Variants in SOCS2 observed in about 807,000 individuals in gnomAD.
SOCS2 encodes CIS-2.
In SOCS2, 10 loss-of-function variants were observed where a neutral mutation model predicts 18.6. The observed-to-expected ratio is 0.54, with a 90% CI of 0.33 to 0.91. SOCS2 has a LOEUF of 0.91. Ranked by LOEUF, SOCS2 falls within the 40% of genes least tolerant of loss-of-function variation. SOCS2 has a pLI of 0.02. For synonymous variants in SOCS2, 104 were observed against 104.0 expected (o/e 1.00, Z 0.00); for missense variants, 231 against 247.2 (o/e 0.93, Z 0.44).
chr12:93,586,765 C>CATTT (rs35572626), downstream of SOCS2, among the ~76,000 whole-genome samples: 44,156 of 151,692 alleles, frequency 0.29, 7,122 homozygotes, highest in African/African-American at 0.45. Flanking sequence ...TTATTTCCTT[C>CATTT]ATTTAGTTAT....
At chr12:93,604,535 G>GA in the SOCS2 span, among the ~76,000 whole-genome samples, 6 of 151,880 alleles carry the variant, frequency 4.0e-5, no homozygotes, top group Admixed American at 2.0e-4. Context: ...AATGTTTTAA[G>GA]AAAAAAAACT....
Position 93,574,869 on chromosome 12 carries a change from G to T in SOCS2, c.287G>T (p.Arg96Leu). 1.2e-6 allele frequency: 2 copies of T among 1,614,098 alleles called. No homozygotes were observed. The highest frequency in any genetic ancestry group is 2.2e-5 in the East Asian group (1 of 44,880). The part of the protein sequence containing the change: ...VKTSAGPTNL[R>L]IEYQDGKFRL... ...ACATCAGCTGGACCAACTAATCTTCGAATCGAATACCAAGACGGAAAATTC... is the reference window on the plus strand; with the variant it reads ...ACATCAGCTGGACCAACTAATCTTCTAATCGAATACCAAGACGGAAAATTC... The change falls in exon 2 of 2, where the codon CGA becomes CTA. Residue 96 changes from arginine (R) to leucine (L), a missense_variant. Arg to Leu is a moderately radical substitution (Grantham distance 102). Around this residue, in one of 3 missense-constraint regions of SOCS2, gnomAD observed 122 missense variants for 127.2 expected, o/e 0.96. Transcript: ENST00000551556.
chr12:93,589,865 C>G, the SOCS2 span, among the ~76,000 whole-genome samples: 1 of 152,164 alleles, frequency 6.6e-6, no homozygotes, highest in Non-Finnish European at 1.5e-5. Context: ...TCTCAAGTGG[C>G]AGAAGAAATA....
chr12:93,585,890 A>G (rs2136717131), downstream of SOCS2, among the ~76,000 whole-genome samples: 1 of 152,336 alleles, frequency 6.6e-6, no homozygotes. Flanking sequence ...ACGGTATAGT[A>G]TTTGCATATA....
the SOCS2 span, among the ~76,000 whole-genome samples, chr12:93,591,432 GCTGT>G: frequency 2.2e-4 from 33 of 152,220 alleles, no homozygotes; most frequent in African/African-American, 6.0e-4. Context: ...TTCGTGTGTG[GCTGT>G]CTGTCTGTCT....
intron 1 of SOCS2, 113 bp downstream of exon 1, chr12:93,573,149 C>A: frequency 7.4e-7 from 1 of 1,343,418 alleles, no homozygotes; most frequent in Non-Finnish European, 1.0e-6. Context: ...ACGTCCCTTG[C>A]TTCCAAGGGA....
the SOCS2 span, among the ~76,000 whole-genome samples, chr12:93,597,689 A>G: frequency 6.6e-6 from 1 of 152,324 alleles, no homozygotes; most frequent in African/African-American, 2.4e-5. Context: ...GAATATTGTA[A>G]CAATACTTAT....
downstream of SOCS2, among the ~76,000 whole-genome samples, chr12:93,578,421 C>T (rs942677823): frequency 1.3e-5 from 2 of 152,084 alleles, no homozygotes; most frequent in South Asian, 2.1e-4. Flanking sequence ...AGTTTAGGCA[C>T]GGGGTAGGTG....
upstream of SOCS2, chr12:93,572,563 A>T: frequency 2.0e-6 from 1 of 505,112 alleles, no homozygotes. The surrounding 1 kb of genome is among the most constrained non-coding windows in gnomAD (Gnocchi z 5.0). Flanking sequence ...GCTTGGGGTT[A>T]AATGGTGCAG....
At chr12:93,584,667 TA>T (rs78741312), downstream of SOCS2, among the ~76,000 whole-genome samples, 35,573 of 152,132 alleles carry the variant, frequency 0.23, 4,246 homozygotes, top group East Asian at 0.3. Flanking sequence ...ATGATGCTAT[TA>T]TTGGGACTTT....
the SOCS2 span, among the ~76,000 whole-genome samples, chr12:93,607,223 A>G: frequency 2.0e-5 from 3 of 152,240 alleles, no homozygotes; most frequent in Admixed American, 2.0e-4. Context: ...ATATTAATAA[A>G]AGATGGCAGA....
chr12:93,593,708 G>A, the SOCS2 span, among the ~76,000 whole-genome samples: 1 of 152,070 alleles, frequency 6.6e-6, no homozygotes, highest in Non-Finnish European at 1.5e-5. Flanking sequence ...ACCCTAGTAA[G>A]ACCAAGCCCA....
the SOCS2 span, among the ~76,000 whole-genome samples, chr12:93,608,622 C>T: frequency 6.6e-6 from 1 of 152,126 alleles, no homozygotes; most frequent in African/African-American, 2.4e-5. Flanking sequence ...GATGTAAGCA[C>T]TATATAGACA....
At chr12:93,596,097 G>A in the SOCS2 span, among the ~76,000 whole-genome samples, 1 of 152,194 alleles carries the variant, frequency 6.6e-6, no homozygotes, top group African/African-American at 2.4e-5. Context: ...GGATAGGACA[G>A]TGTGTAGGAG....
the SOCS2 span, among the ~76,000 whole-genome samples, chr12:93,608,151 G>T: frequency 6.6e-6 from 1 of 150,472 alleles, no homozygotes. Context: ...AACATGCCTG[G>T]CCCTTTTTTT....
upstream of SOCS2, chr12:93,571,851 C>T (rs1954266036): frequency 2.3e-6 from 1 of 430,732 alleles, no homozygotes; most frequent in African/African-American, 2.1e-5. Context: ...ACCCCCCCGC[C>T]CCATGTCCGC....
the SOCS2 span, among the ~76,000 whole-genome samples, chr12:93,593,839 A>T: frequency 6.6e-6 from 1 of 152,238 alleles, no homozygotes; most frequent in East Asian, 1.9e-4. Flanking sequence ...AAAATAAAAT[A>T]AATTTCCCAT....
the SOCS2 span, among the ~76,000 whole-genome samples, chr12:93,619,472 G>T: frequency 6.6e-6 from 1 of 152,160 alleles, no homozygotes; most frequent in South Asian, 2.1e-4. Flanking sequence ...TTGATCGAAT[G>T]AATGAATAAA....
chr12:93,581,348 T>G (rs932234179), downstream of SOCS2, among the ~76,000 whole-genome samples: 1 of 152,204 alleles, frequency 6.6e-6, no homozygotes, highest in Non-Finnish European at 1.5e-5. Flanking sequence ...GATCAGTTTA[T>G]TTGTAGCCTC....
Sources: gnomAD v4.1 joint callset for allele counts (sites outside exome capture counted in the v4.1 genomes callset) on GRCh38, gnomAD v4.1.1 for gene constraint, gnomAD v4.1.1 regional missense constraint, Gnocchi (gnomAD v3.1) non-coding constraint, MANE v1.5 for transcripts, NCBI Gene and HGNC (gene_info 2026-07-23, HGNC 2026-07-21) for gene names.